Variants in METTL23 observed in about 807,000 individuals in gnomAD.
METTL23 encodes the protein methyltransferase 23, arginine.
A neutral mutation model predicts 21.2 loss-of-function variants in METTL23; 24 were observed. The observed-to-expected ratio is 1.13, with a 90% CI of 0.82 to 1.59. The LOEUF (loss-of-function observed/expected upper bound fraction) is 1.59. Among genes scored for constraint, METTL23 ranks in the 40% most tolerant of loss-of-function variants. METTL23 has a pLI of 0.00. For synonymous variants in METTL23, 97 were observed against 75.2 expected (o/e 1.29, Z -1.50); for missense variants, 276 against 221.4 (o/e 1.25, Z -1.57).
chr17:76,726,314 C>T (rs1359897463), upstream of METTL23: 2 of 1,535,388 alleles, frequency 1.3e-6, no homozygotes, highest in Admixed American at 4.1e-5. Context: ...GGTGCCGATG[C>T]CCGGCCTGGC....
intron 2 of METTL23, among the ~76,000 whole-genome samples, chr17:76,731,856 A>C (rs537127335): frequency 8.5e-5 from 13 of 152,152 alleles, no homozygotes; most frequent in East Asian, 7.7e-4. Context: ...CAATAATTCT[A>C]TCTCTGTGTC....
chr17:76,729,624 G>A (rs959708275), intron 1 of METTL23, 66 bp from the exon 2 acceptor site: 2 of 1,082,398 alleles, frequency 1.8e-6, no homozygotes, highest in African/African-American at 1.6e-5. Context: ...GACAGAAATT[G>A]CTGTATGAAT....
intron 2 of METTL23, among the ~76,000 whole-genome samples, chr17:76,730,244 G>A (rs986381367): frequency 1.3e-5 from 2 of 151,248 alleles, no homozygotes; most frequent in South Asian, 2.1e-4. Flanking sequence ...AGCAAAGATC[G>A]CACCATTGCC....
At chr17:76,726,222 G>T, upstream of METTL23, 1 of 1,284,246 alleles carries the variant, frequency 7.8e-7, no homozygotes. Flanking sequence ...AACTCCGCGG[G>T]GTGCGGGTGA....
intron 1 of METTL23, among the ~76,000 whole-genome samples, chr17:76,729,028 T>A (rs2077084581): frequency 6.6e-6 from 1 of 151,254 alleles, no homozygotes; most frequent in Non-Finnish European, 1.5e-5. Context: ...CTCGATCTCC[T>A]GACCTGATGA....
At position 76,733,038 on chromosome 17, in the gene METTL23, C is replaced by A; in HGVS notation, c.145C>A (p.Leu49Met). Residue 49 changes from leucine (L) to methionine (M), a missense_variant, in exon 3 of 5, where the codon CTG becomes ATG. By Grantham distance (15) the Leu-to-Met change is conservative. Transcript: ENST00000341249. Reference sequence around the variant, plus strand: ...TGCCAAATGTGGTGCAGAAGTAATACTGTCAGACAGCTCAGAACTGCCTCA... The same window carrying A: ...TGCCAAATGTGGTGCAGAAGTAATAATGTCAGACAGCTCAGAACTGCCTCA... ...LAAKCGAEVI[L>M]SDSSELPHCL... 1 of 1,601,054 alleles carries A rather than the reference C, an allele frequency of 6.2e-7. No individual in the cohort carries two copies. The highest frequency in any genetic ancestry group is 8.5e-7 in the Non-Finnish European group (1 of 1,173,118).
upstream of METTL23, chr17:76,726,507 C>T: frequency 6.3e-7 from 1 of 1,576,682 alleles, no homozygotes; most frequent in Non-Finnish European, 8.6e-7. Flanking sequence ...TCCGCTACGA[C>T]CTCGGCGCAG....
upstream of METTL23, chr17:76,726,518 C>T (rs778905336): frequency 5.1e-6 from 8 of 1,564,834 alleles, no homozygotes; most frequent in South Asian, 9.2e-5. Context: ...CTCGGCGCAG[C>T]CCGCTTCCTG....
upstream of METTL23, chr17:76,726,440 G>C (rs1364998011): frequency 8.7e-6 from 14 of 1,603,312 alleles, no homozygotes; most frequent in Non-Finnish European, 1.0e-5. Flanking sequence ...CACTCCGCTT[G>C]GCCTCGCGGA....
In METTL23 at chr17:76,727,126, A is replaced by G. The variant is rs1421984485; in HGVS notation, c.-74A>G. ...CGGGCCCAGCGCTTTCGATTCTCGG[A>G]GGAGCCGGGTCCGGGGGCCGACGGG... On this transcript the variant is annotated 5_prime_UTR_variant, in exon 1 of 5. Transcript: ENST00000341249. The G allele has an allele frequency of 2.2e-6, 1 of 451,718 alleles. No individual in the cohort carries two copies. The highest frequency in any genetic ancestry group is 7.0e-5 in the East Asian group (1 of 14,248). 28.0% of individuals were successfully genotyped at this position (451,718 alleles called of 1,614,324 possible). A position where few individuals can be genotyped will look rare whatever the true frequency, so the allele number is the denominator to read the frequency against.
Position 76,733,196 on chromosome 17 carries a change from T to A in METTL23, c.303T>A (p.Asp101Glu). ...CACAAGATATTATCCTTGCATCTGA[T>A]GTGTTCTTTGAACCAGAAGGTAAGC... Reference protein sequence around the residue: ...LPPQDIILASDVFFEPEDFED... With the variant: ...LPPQDIILASEVFFEPEDFED... The change falls in exon 3 of 5, where the codon GAT (aspartate) becomes GAA (glutamate). Residue 101 changes from aspartate (D) to glutamate (E), a missense_variant. By Grantham distance (45) the Asp-to-Glu change is conservative (BLOSUM62 2). Transcript: ENST00000341249. 1.2e-6 allele frequency: 2 copies of A among 1,613,860 alleles called. No individual in the cohort carries two copies. The highest frequency in any genetic ancestry group is 1.7e-6 in the Non-Finnish European group (2 of 1,179,816).
rs760933323 is a variant in METTL23 at position 76,733,582 on chromosome 17, CTT to C, written c.470_471del (p.Leu157ArgfsTer4). ...GGATATGAAATGTGTCCACATTCCT[CTT>C]GAGTCTTTTGATGCAGACAAAGAAG... The part of the protein sequence containing the change: ...KWDMKCVHIP[L>X]ESFDADKEDI... On this transcript the variant is annotated frameshift_variant, in exon 5 of 5. Transcript: ENST00000341249. LOFTEE classifies it high-confidence loss of function. The C allele has an allele frequency of 4.6e-5, 75 of 1,613,770 alleles. No homozygotes were observed. Among genetic ancestry groups the C allele is most frequent in the East Asian group, 6.7e-5 (3 of 44,878 alleles).
intron 1 of METTL23, 119 bp downstream of exon 1, chr17:76,727,297 G>A (rs1165834724): frequency 2.9e-6 from 1 of 343,542 alleles, no homozygotes; most frequent in East Asian, 7.9e-5. Context: ...TCCTGCTTTA[G>A]GTTGACCCCC....
chr17:76,726,999 C>T lies in METTL23; in HGVS notation c.-201C>T, dbSNP rs1049980736. 1 of 456,288 alleles carries T rather than the reference C, an allele frequency of 2.2e-6. No individual in the cohort carries two copies. The highest frequency in any genetic ancestry group is 2.4e-5 in the Admixed American group (1 of 42,544). The allele number at this position is 456,288 out of a possible 1,614,324, so 28.3% of individuals were successfully genotyped here. On this transcript the variant is annotated 5_prime_UTR_variant, in exon 1 of 5. Transcript: ENST00000341249. ...TACGGCCACGTGGCCCGCGGCTTCC[C>T]GCTCGCGCAGTCTGGCAGCCCGGAG...
chr17:76,732,968 AACTTAT>A lies in METTL23; in HGVS notation c.85-9_85-4del. Reference sequence around the variant, plus strand: ...ATAATTGTGAAATGCCATCTTTCATAACTTATTAGATTGGAGCTGGAGTGAGCCTTC... The same window carrying A: ...ATAATTGTGAAATGCCATCTTTCATATAGATTGGAGCTGGAGTGAGCCTTC... On this transcript the variant is annotated splice_polypyrimidine_tract_variant and splice_region_variant and intron_variant, in intron 2 of 4. Transcript: ENST00000341249. The A allele has an allele frequency of 6.4e-7, 1 of 1,555,672 alleles. No individual in the cohort carries two copies. The highest frequency in any genetic ancestry group is 8.7e-7 in the Non-Finnish European group (1 of 1,147,156).
chr17:76,730,879 G>A (rs1161288156), intron 2 of METTL23, among the ~76,000 whole-genome samples: 3 of 152,144 alleles, frequency 2.0e-5, no homozygotes, highest in Admixed American at 1.3e-4. Flanking sequence ...TGAGGCGGGC[G>A]GATCACGAGG....
intron 1 of METTL23, chr17:76,727,394 G>C (rs529857386): frequency 3.2e-6 from 1 of 310,478 alleles, no homozygotes; most frequent in African/African-American, 2.2e-5. Context: ...AAGTGACCCT[G>C]GTCACTATGT....
intron 2 of METTL23, 199 bp from the exon 3 acceptor site, chr17:76,732,779 T>G: frequency 1.7e-6 from 1 of 600,942 alleles, no homozygotes; most frequent in Non-Finnish European, 2.9e-6. Context: ...CTTTTACCTT[T>G]TAGCAGAGTA....
At chr17:76,727,968 G>A (rs79247877) in intron 1 of METTL23, among the ~76,000 whole-genome samples, 2 of 152,240 alleles carry the variant, frequency 1.3e-5, no homozygotes, top group East Asian at 3.9e-4. Context: ...CATGTCCCAT[G>A]CTAAAGAAAC....
Sources: gnomAD v4.1 joint callset for allele counts (sites outside exome capture counted in the v4.1 genomes callset) on GRCh38, gnomAD v4.1.1 for gene constraint, MANE v1.5 for transcripts, NCBI Gene and HGNC (gene_info 2026-07-23, HGNC 2026-07-21) for gene names.